Variants in HEATR5A observed in about 807,000 individuals in gnomAD.
HEATR5A encodes HEAT repeat-containing protein 5A.
In HEATR5A, 178 loss-of-function variants were observed where a neutral mutation model predicts 218.8. The ratio of observed to expected loss-of-function variants is 0.81; its 90% confidence interval spans 0.72 to 0.92. HEATR5A has a LOEUF of 0.92. Ranked by LOEUF, HEATR5A falls within the 40% of genes least tolerant of loss-of-function variation. The pLI is 0.00. For missense variants in HEATR5A, 2,420 were observed against 2,418.9 expected (o/e 1.00, Z -0.01); for synonymous variants, 864 against 871.6 (o/e 0.99, Z 0.15).
intron 13 of HEATR5A, among the ~76,000 whole-genome samples, chr14:31,370,697 GAATC>G (rs1902006790): frequency 6.6e-6 from 1 of 152,122 alleles, no homozygotes; most frequent in African/African-American, 2.4e-5. Context: ...ATTGACAAGA[GAATC>G]AATATGTTGT....
At chr14:31,313,720 A>G (rs948034507) in intron 27 of HEATR5A, among the ~76,000 whole-genome samples, 3 of 152,214 alleles carry the variant, frequency 2.0e-5, no homozygotes, top group African/African-American at 7.2e-5. Context: ...GTTTTTGGCA[A>G]ACTAATCTGG....
chr14:31,362,227 C>T (rs1261622489), intron 14 of HEATR5A, among the ~76,000 whole-genome samples: 1 of 151,956 alleles, frequency 6.6e-6, no homozygotes, highest in Non-Finnish European at 1.5e-5. Context: ...TCTTAGCCTC[C>T]CAATGTGCTG....
rs1327104287 is a variant in HEATR5A, at chr14:31,343,986, A to G, written c.3138T>C (p.Leu1046=). Residue 1046 remains leucine, a synonymous_variant, in exon 21 of 36, where the codon CTT becomes CTC. Coordinates refer to ENST00000543095, the MANE Select transcript of HEATR5A (RefSeq NM_015473.4). ...GGCAAGAGATGGCCTGAGCTTGAAC[A>G]AGGCAGTCTGGGTTATCTTGCATTA... is the stretch of plus-strand genomic sequence containing the variant. The part of the protein sequence containing the change: ...CAVMQDNPDC[L]VQAQAISCLQ... 1 of 1,611,860 alleles carries G rather than the reference A, an allele frequency of 6.2e-7. No homozygotes were observed. The highest frequency in any genetic ancestry group is 8.5e-7 in the Non-Finnish European group (1 of 1,178,912).
intron 34 of HEATR5A, 24 bp from the exon 35 acceptor site, chr14:31,294,128 A>G (rs1401194687): frequency 1.4e-6 from 2 of 1,412,252 alleles, no homozygotes; most frequent in South Asian, 2.6e-5. Context: ...AGAAAAGAAT[A>G]GCAAATACTA....
chr14:31,409,899 G>A (rs991357657), intron 1 of HEATR5A, among the ~76,000 whole-genome samples: 19 of 152,044 alleles, frequency 1.2e-4, no homozygotes, highest in African/African-American at 4.1e-4. Context: ...TGGTATGGAC[G>A]GAAACATATG....
At chr14:31,412,777 G>A (rs1374131991) in intron 1 of HEATR5A, among the ~76,000 whole-genome samples, 1 of 152,098 alleles carries the variant, frequency 6.6e-6, no homozygotes, top group Non-Finnish European at 1.5e-5. Context: ...GGAGGCTTGA[G>A]GCAGGAGAAT....
At chr14:31,304,367 C>A (rs1268510461) in intron 32 of HEATR5A, among the ~76,000 whole-genome samples, 1 of 152,156 alleles carries the variant, frequency 6.6e-6, no homozygotes, top group East Asian at 1.9e-4. Context: ...GTCAGAAGTA[C>A]TGTCAATCAT....
intron 6 of HEATR5A, among the ~76,000 whole-genome samples, chr14:31,389,759 A>T (rs1029682792): frequency 4.6e-5 from 7 of 152,202 alleles, no homozygotes; most frequent in African/African-American, 1.7e-4. Flanking sequence ...GAACAAAAAA[A>T]CCTCCTCCCT....
At chr14:31,313,649 A>G (rs924109726) in intron 27 of HEATR5A, among the ~76,000 whole-genome samples, 9 of 152,358 alleles carry the variant, frequency 5.9e-5, no homozygotes, top group South Asian at 4.1e-4. Context: ...AACACAGTGT[A>G]TAACATGCAC....
intron 11 of HEATR5A, among the ~76,000 whole-genome samples, chr14:31,377,567 C>A (rs181801771): frequency 6.4e-4 from 98 of 152,020 alleles, no homozygotes; most frequent in African/African-American, 2.2e-3. Context: ...CCAGGAGTAA[C>A]CTGCTTGAGT....
At chr14:31,321,756 C>T in intron 24 of HEATR5A, 76 bp from the exon 25 acceptor site, 4 of 1,122,338 alleles carry the variant, frequency 3.6e-6, no homozygotes, top group South Asian at 3.3e-5. Flanking sequence ...CTAAGACTTA[C>T]ATTAAGTGAT....
chr14:31,395,001 A>G (rs1325669977), intron 5 of HEATR5A, among the ~76,000 whole-genome samples, 198 bp downstream of exon 5: 1 of 152,160 alleles, frequency 6.6e-6, no homozygotes, highest in Non-Finnish European at 1.5e-5. Context: ...TGAACTTCCT[A>G]CCCTCTGACA....
At position 31,345,277 on chromosome 14, in the gene HEATR5A, C is replaced by G; in HGVS notation, c.2869-1G>C. On this transcript the variant is annotated splice_acceptor_variant, in intron 19 of 35. Coordinates refer to ENST00000543095, the MANE Select transcript of HEATR5A (RefSeq NM_015473.4). LOFTEE classifies it high-confidence loss of function. ...ATGATAGAGAATGTAATGCCCAGGTCTGTAATGACAAAGAAAAACAATTAA... is the reference window on the plus strand; with the variant it reads ...ATGATAGAGAATGTAATGCCCAGGTGTGTAATGACAAAGAAAAACAATTAA... 6.3e-7 allele frequency: 1 copy of G among 1,591,306 alleles called. No homozygotes were observed. The highest frequency in any genetic ancestry group is 2.2e-5 in the East Asian group (1 of 44,542).
intron 13 of HEATR5A, among the ~76,000 whole-genome samples, chr14:31,366,201 G>A (rs1054966251): frequency 3.3e-5 from 5 of 152,072 alleles, no homozygotes; most frequent in Non-Finnish European, 2.9e-5. Flanking sequence ...TTGAGCCCAC[G>A]AGTTTGAGGA....
intron 32 of HEATR5A, among the ~76,000 whole-genome samples, chr14:31,304,027 A>C (rs1899474460): frequency 6.6e-6 from 1 of 152,028 alleles, no homozygotes; most frequent in Admixed American, 6.6e-5. Context: ...CAACACAGCA[A>C]GACCCCATCT....
At chr14:31,355,195 C>T (rs1245870955) in intron 16 of HEATR5A, among the ~76,000 whole-genome samples, 1 of 41,594 alleles carries the variant, frequency 2.4e-5, no homozygotes, top group African/African-American at 4.6e-5. Context: ...GGGCAGATCA[C>T]CTGAGGTCAG....
At position 31,383,696 on chromosome 14, in the gene HEATR5A, T is replaced by C. The variant is rs930578577; in HGVS notation, c.1421A>G (p.His474Arg). ...SVRLAAAWCL[H>R]CIAVALPSYL... is the part of the protein sequence containing the mutation. ...GGAGGGTAATGCCACGGCAATGCAGTGTAAACACCAAGCTGCTGCTAGTCG... is the reference window on the plus strand; with the variant it reads ...GGAGGGTAATGCCACGGCAATGCAGCGTAAACACCAAGCTGCTGCTAGTCG... The change falls in exon 10 of 36, where the codon CAC (histidine) becomes CGC (arginine). Residue 474 changes from histidine (H) to arginine (R), a missense_variant. Coordinates refer to ENST00000543095, the MANE Select transcript of HEATR5A (RefSeq NM_015473.4). 6 of 1,613,898 alleles carry C rather than the reference T, an allele frequency of 3.7e-6. No individual in the cohort carries two copies. The highest frequency in any genetic ancestry group is 1.7e-5 in the Admixed American group (1 of 60,010).
At position 31,349,976 on chromosome 14, in the gene HEATR5A, C is replaced by T. The variant is rs767972227; in HGVS notation, c.2521G>A (p.Val841Met). ...CCTAAACATCCCTTGGAGCCAGCCA[C>T]GTACTGAAATATGTAAAGAACAACC... ...VSSVSSFLKY[V>M]AGSKGCLGPE... The change falls in exon 18 of 36, where the codon GTG becomes ATG. Residue 841 changes from valine (V) to methionine (M), a missense_variant. Transcript: ENST00000543095. The T allele has an allele frequency of 8.3e-6, 13 of 1,560,708 alleles. No homozygotes were observed. In the Admixed American group the frequency reaches 1.4e-4, roughly 17 times the overall value.
Position 31,292,937 on chromosome 14 carries a change from T to C in HEATR5A, c.*368A>G, listed in dbSNP as rs1899068265. Reference sequence around the variant, plus strand: ...CAATATTAGTGCAGATAATTTACACTAGAGTCATATTTATATCTGTCACAG... The same window carrying C: ...CAATATTAGTGCAGATAATTTACACCAGAGTCATATTTATATCTGTCACAG... On this transcript the variant is annotated 3_prime_UTR_variant, in exon 36 of 36. Coordinates refer to ENST00000543095, the MANE Select transcript of HEATR5A (RefSeq NM_015473.4). 1 of 165,856 alleles carries C rather than the reference T, an allele frequency of 6.0e-6. No individual in the cohort carries two copies. The highest frequency in any genetic ancestry group is 1.3e-5 in the Non-Finnish European group (1 of 76,840). 10.3% of individuals were successfully genotyped at this position (165,856 alleles called of 1,614,324 possible). A position where few individuals can be genotyped will look rare whatever the true frequency, so the allele number is the denominator to read the frequency against.
Sources: gnomAD v4.1 joint callset for allele counts (sites outside exome capture counted in the v4.1 genomes callset) on GRCh38, gnomAD v4.1.1 for gene constraint, MANE v1.5 for transcripts, NCBI Gene and HGNC (gene_info 2026-07-23, HGNC 2026-07-21) for gene names.